The following MOK variants were observed in gnomAD, a reference collection of about 807,000 sequenced individuals.
The protein encoded by MOK is MOK protein kinase.
Under a neutral mutation model 54.2 loss-of-function variants are expected in MOK, and 59 were observed. That is an observed-to-expected ratio of 1.09 (90% CI 0.88 to 1.35). The LOEUF (loss-of-function observed/expected upper bound fraction) is 1.35. Ranked by LOEUF, MOK falls within the 40% of genes most tolerant of loss-of-function variation. The probability of loss-of-function intolerance (pLI) is 0.00; values close to 1 mark genes in which losing one functional copy is unlikely to be tolerated. For synonymous variants in MOK, 210 were observed against 202.7 expected, an observed-to-expected ratio of 1.04 and a Z score of -0.31; for missense variants, 517 against 526.2, an observed-to-expected ratio of 0.98 and a Z score of 0.17.
chr14:102,232,396 T>C lies in MOK; in HGVS notation c.866+139A>G. 9.8e-7 allele frequency: 1 copy of C among 1,020,750 alleles called. No individual in the cohort carries two copies. The highest frequency in any genetic ancestry group is 2.0e-5 in the South Asian group (1 of 49,650). 63.2% of individuals were successfully genotyped at this position (1,020,750 alleles called of 1,614,324 possible). A position where few individuals can be genotyped will look rare whatever the true frequency, so the allele number is the denominator to read the frequency against. ...GCACGGTGTGGGCCCCAAGAGGCCC[T>C]GACCACTCTTCAGGATAGAGAGCGC... On this transcript the variant is annotated intron_variant, in intron 9 of 11. Coordinates refer to ENST00000361847, the MANE Select transcript of MOK (RefSeq NM_014226.3). This position sits in a 1 kb window ranked among gnomAD's most constrained non-coding sequence, Gnocchi z 5.1.
chr14:102,255,317 CA>C (rs2066864012), intron 4 of MOK, among the ~76,000 whole-genome samples: 3 of 151,818 alleles, frequency 2.0e-5, no homozygotes, highest in Admixed American at 2.0e-4. Flanking sequence ...GACTCTGTCT[CA>C]AAAAACAATA....
chr14:102,247,511 T>C (rs375381415), intron 7 of MOK: 2 of 152,276 alleles, frequency 1.3e-5, no homozygotes, highest in East Asian at 3.9e-4. Flanking sequence ...ATACCTCTAT[T>C]AGCAGTCCCC....
chr14:102,295,061 G>A (rs940605934), intron 1 of MOK, among the ~76,000 whole-genome samples: 24 of 152,188 alleles, frequency 1.6e-4, no homozygotes, highest in African/African-American at 4.1e-4. Context: ...AAGATCTGGC[G>A]TATTTTCATA....
the MOK span, among the ~76,000 whole-genome samples, chr14:102,218,643 A>G: frequency 1.3e-5 from 2 of 152,024 alleles, no homozygotes; most frequent in African/African-American, 4.8e-5. Context: ...GAGCTGGAGT[A>G]TTTTTTTATC....
At chr14:102,253,068 G>C (rs1461424594) in intron 4 of MOK, among the ~76,000 whole-genome samples, 1 of 152,132 alleles carries the variant, frequency 6.6e-6, no homozygotes, top group Non-Finnish European at 1.5e-5. Context: ...TAGCACACGT[G>C]GTTTTTCTGA....
intron 7 of MOK, among the ~76,000 whole-genome samples, chr14:102,241,997 C>T (rs1181143567): frequency 3.3e-5 from 5 of 152,346 alleles, no homozygotes; most frequent in East Asian, 3.9e-4. Context: ...CACTGGAAAT[C>T]GGACTGTCCA....
chr14:102,244,591 CT>C (rs1160356295), intron 7 of MOK, among the ~76,000 whole-genome samples: 2 of 152,156 alleles, frequency 1.3e-5, no homozygotes, highest in African/African-American at 4.8e-5. Flanking sequence ...GGATTTGCCC[CT>C]GCCCAGGACT....
intron 7 of MOK, among the ~76,000 whole-genome samples, chr14:102,247,217 A>C (rs2066160972): frequency 6.6e-6 from 1 of 152,214 alleles, no homozygotes; most frequent in South Asian, 2.1e-4. Flanking sequence ...AACACCCTTT[A>C]CAACCACTCA....
In MOK at chr14:102,229,671, A is replaced by G; in HGVS notation, c.982-14T>C. 1 of 1,584,348 alleles carries G rather than the reference A, an allele frequency of 6.3e-7. No individual in the cohort carries two copies. The highest frequency in any genetic ancestry group is 8.6e-7 in the Non-Finnish European group (1 of 1,165,896). On this transcript the variant is annotated splice_polypyrimidine_tract_variant and intron_variant, in intron 10 of 11. Coordinates refer to ENST00000361847, the MANE Select transcript of MOK (RefSeq NM_014226.3). The stretch of plus-strand genomic sequence containing the variant: ...TAGGGACTGTTTCTTGAAACAGAAC[A>G]GAGGCCAGTTGGACATAAAACGCTT...
chr14:102,220,061 G>A (rs2063713555), downstream of MOK, among the ~76,000 whole-genome samples: 1 of 152,256 alleles, frequency 6.6e-6, no homozygotes, highest in Non-Finnish European at 1.5e-5. The surrounding 1 kb of genome is among the most constrained non-coding windows in gnomAD (Gnocchi z 4.2). Flanking sequence ...CCCTCGCGTT[G>A]GGTCGCTTTC....
chr14:102,255,182 G>C (rs1412587324), intron 4 of MOK, among the ~76,000 whole-genome samples: 1 of 152,144 alleles, frequency 6.6e-6, no homozygotes, highest in Non-Finnish European at 1.5e-5. Flanking sequence ...GCCAGGCGTG[G>C]CGGCAGGCGC....
chr14:102,224,694 C>T (rs1020699789), downstream of MOK: 67 of 455,834 alleles, frequency 1.5e-4, 2 homozygotes, highest in South Asian at 5.0e-4. Flanking sequence ...TAGTTTTCTT[C>T]GGAGGAGACA....
At chr14:102,226,495 T>G, downstream of MOK, 1 of 699,662 alleles carries the variant, frequency 1.4e-6, no homozygotes, top group Non-Finnish European at 2.6e-6. This position sits in a 1 kb window ranked among gnomAD's most constrained non-coding sequence, Gnocchi z 4.8. Context: ...CTTTCCAGTT[T>G]GGGGTGGCAG....
At chr14:102,273,027 AG>A (rs920060702) in intron 2 of MOK, among the ~76,000 whole-genome samples, 218 of 152,182 alleles carry the variant, frequency 1.4e-3, no homozygotes, top group African/African-American at 5.2e-3. Context: ...AAAATTCGCC[AG>A]GCGTGGTGGC....
downstream of MOK, among the ~76,000 whole-genome samples, chr14:102,222,174 G>T (rs1308363234): frequency 6.6e-6 from 1 of 151,808 alleles, no homozygotes; most frequent in Non-Finnish European, 1.5e-5. The surrounding 1 kb of genome is among the most constrained non-coding windows in gnomAD (Gnocchi z 4.4). Flanking sequence ...GGCCCTGGTG[G>T]GTTGGCCCCC....
At chr14:102,237,491 G>A (rs2065326599) in intron 7 of MOK, among the ~76,000 whole-genome samples, 1 of 152,080 alleles carries the variant, frequency 6.6e-6, no homozygotes, top group Admixed American at 6.6e-5. Context: ...GAACTAGCAG[G>A]CTTTTTTAGA....
intron 1 of MOK, among the ~76,000 whole-genome samples, chr14:102,292,499 C>A (rs968392314): frequency 6.6e-6 from 1 of 151,600 alleles, no homozygotes; most frequent in Admixed American, 6.6e-5. Flanking sequence ...CAAAACAAAA[C>A]AAAAAAACAA....
intron 1 of MOK, among the ~76,000 whole-genome samples, chr14:102,302,661 C>T (rs1181615960): frequency 2.0e-5 from 3 of 151,776 alleles, no homozygotes; most frequent in East Asian, 1.9e-4. Context: ...GTGATCTGCC[C>T]GCCTCGGCCT....
In MOK at chr14:102,264,562, T is replaced by C. The variant is rs140248397; in HGVS notation, c.213-946A>G. 704 of 152,214 alleles carry C rather than the reference T, an allele frequency of 4.6e-3. 6 individuals carry two copies. The highest frequency in any genetic ancestry group is 0.016 in the African/African-American group (652 of 41,510). The allele number at this position is 152,214 out of a possible 1,614,324, so 9.4% of individuals were successfully genotyped here. On this transcript the variant is annotated intron_variant, in intron 3 of 11. Transcript: ENST00000361847. Reference sequence around the variant, plus strand: ...GGAAGAGGTCTCGGTTGTTCCGAGGTCCATGTGAGATTCTGGACAGAGTAC... The same window carrying C: ...GGAAGAGGTCTCGGTTGTTCCGAGGCCCATGTGAGATTCTGGACAGAGTAC...
Sources: gnomAD v4.1 joint callset for allele counts (sites outside exome capture counted in the v4.1 genomes callset) on GRCh38, gnomAD v4.1.1 for gene constraint, Gnocchi (gnomAD v3.1) non-coding constraint, MANE v1.5 for transcripts, NCBI Gene and HGNC (gene_info 2026-07-23, HGNC 2026-07-21) for gene names.